GTF3C1: variants seen among roughly 807,000 people sequenced by gnomAD.
GTF3C1 encodes general transcription factor 3C polypeptide 1.
In GTF3C1, 57 loss-of-function variants were observed where a neutral mutation model predicts 226.7. The observed-to-expected ratio is 0.25, with a 90% CI of 0.20 to 0.31. GTF3C1 has a LOEUF of 0.31. GTF3C1 is among the 10% of genes least tolerant of loss of function. The pLI is 1.00. For synonymous variants in GTF3C1, 1,090 were observed against 1,084.8 expected, an observed-to-expected ratio of 1.00 and a Z score of -0.09; for missense variants, 2,217 against 2,776.1, an observed-to-expected ratio of 0.80 and a Z score of 4.53.
chr16:27,529,722 A>C (rs1317182795), intron 5 of GTF3C1, among the ~76,000 whole-genome samples: 1 of 152,230 alleles, frequency 6.6e-6, no homozygotes, highest in Non-Finnish European at 1.5e-5. Flanking sequence ...TTCTCTTCAA[A>C]GGCTAGGACT....
At chr16:27,541,326 G>C (rs932183359) in intron 2 of GTF3C1, among the ~76,000 whole-genome samples, 1 of 152,218 alleles carries the variant, frequency 6.6e-6, no homozygotes, top group Non-Finnish European at 1.5e-5. Context: ...AGGAAAGCTC[G>C]AGAGGCCAGC....
In GTF3C1 at chr16:27,461,624, T is replaced by C; in HGVS notation, c.6118-62A>G. The C allele has an allele frequency of 7.8e-7, 1 of 1,277,476 alleles. No individual in the cohort carries two copies. 79.1% of individuals were successfully genotyped at this position (1,277,476 alleles called of 1,614,324 possible). On this transcript the variant is annotated intron_variant, in intron 36 of 36. Coordinates refer to ENST00000356183, the MANE Select transcript of GTF3C1 (RefSeq NM_001520.4). The surrounding 1 kb of genome is among the most constrained non-coding windows in gnomAD (Gnocchi z 5.3). ...CCCTCGCCTGCTTGTTGATTTATTC[T>C]TCAAGCATTTATGGAATGCCCCCTC...
At chr16:27,541,860 G>A (rs1222264580) in intron 2 of GTF3C1, among the ~76,000 whole-genome samples, 1 of 152,122 alleles carries the variant, frequency 6.6e-6, no homozygotes, top group Non-Finnish European at 1.5e-5. Flanking sequence ...AACACAACAC[G>A]AACACAAACT....
At chr16:27,515,257 C>G (rs867436425) in intron 6 of GTF3C1, among the ~76,000 whole-genome samples, 1 of 152,048 alleles carries the variant, frequency 6.6e-6, no homozygotes, top group African/African-American at 2.4e-5. Flanking sequence ...CCAGCCTGGG[C>G]AACAGAGCAA....
intron 10 of GTF3C1, among the ~76,000 whole-genome samples, chr16:27,504,930 C>CA (rs2088461087): frequency 6.6e-6 from 1 of 151,996 alleles, no homozygotes; most frequent in Admixed American, 6.6e-5. Flanking sequence ...GACTCTTTCT[C>CA]AAAAAAATTA....
In GTF3C1 at chr16:27,505,978, A is replaced by G. The variant is rs772361957; in HGVS notation, c.1691T>C (p.Val564Ala). The G allele has an allele frequency of 1.1e-5, 17 of 1,613,350 alleles. No individual in the cohort carries two copies. The highest frequency in any genetic ancestry group is 1.4e-5 in the Non-Finnish European group (17 of 1,179,380). The change falls in exon 10 of 37, where the codon GTG becomes GCG. Residue 564 changes from valine (V) to alanine (A), a missense_variant. Val to Ala is a moderately conservative substitution (Grantham distance 64). This residue lies in a region of GTF3C1 where 173 missense variants were observed against 207.2 expected (regional missense o/e 0.83). Transcript: ENST00000356183. ...GTCCGCACAGTGGGAGACAAAGGAC[A>G]CGTTGGGTTCTGAGACGCTGCTGGT... ...LDTSSVSEPNVSFVSHCADSN... is the reference protein window; with the variant it reads ...LDTSSVSEPNASFVSHCADSN...
chr16:27,489,613 C>T lies in GTF3C1; in HGVS notation c.3282G>A (p.Leu1094=). The T allele has an allele frequency of 1.2e-6, 2 of 1,608,798 alleles. No individual in the cohort carries two copies. The highest frequency in any genetic ancestry group is 1.7e-6 in the Non-Finnish European group (2 of 1,178,916). Residue 1094 remains leucine, a synonymous_variant, in exon 20 of 37, where the codon CTG becomes CTA. Transcript: ENST00000356183. ...KHNLERKCAM[L]EYTTGSREVV... ...GGACGGACACGCACGTGGTGTACTC[C>T]AGCATGGCGCACTTGCGCTCCAGGT...
intron 21 of GTF3C1, 86 bp from the exon 22 acceptor site, chr16:27,488,721 T>C (rs1371781718): frequency 5.1e-6 from 6 of 1,166,062 alleles, no homozygotes; most frequent in South Asian, 2.6e-5. Flanking sequence ...CGAGGTCTCT[T>C]AGGAAGGTAA....
At chr16:27,519,269 G>T (rs577894461) in intron 6 of GTF3C1, among the ~76,000 whole-genome samples, 12 of 152,228 alleles carry the variant, frequency 7.9e-5, no homozygotes, top group Non-Finnish European at 1.8e-4. Flanking sequence ...AGGAATGAAG[G>T]TGAGGATACG....
chr16:27,530,030 G>A (rs1249937161), intron 5 of GTF3C1, among the ~76,000 whole-genome samples: 1 of 152,326 alleles, frequency 6.6e-6, no homozygotes, highest in African/African-American at 2.4e-5. Flanking sequence ...GCCCCTGGCA[G>A]GTTACCATGG....
At chr16:27,530,057 G>C (rs1269699926) in intron 5 of GTF3C1, among the ~76,000 whole-genome samples, 1 of 152,282 alleles carries the variant, frequency 6.6e-6, no homozygotes, top group Middle Eastern at 3.4e-3. Context: ...GCAAGGGAGC[G>C]AATGGCAGGA....
At position 27,469,661 on chromosome 16, in the gene GTF3C1, C is replaced by T; in HGVS notation, c.4815-111G>A. 8.4e-7 allele frequency: 1 copy of T among 1,194,286 alleles called. No homozygotes were observed. 74.0% of individuals were successfully genotyped at this position (1,194,286 alleles called of 1,614,324 possible). Reference sequence around the variant, plus strand: ...GGCTGGGCTTCAGCAGTGGCCCCAGCAACTGGCTATGCTTCATTACCAAGG... The same window carrying T: ...GGCTGGGCTTCAGCAGTGGCCCCAGTAACTGGCTATGCTTCATTACCAAGG... On this transcript the variant is annotated intron_variant, in intron 31 of 36. Transcript: ENST00000356183. The surrounding 1 kb of genome is among the most constrained non-coding windows in gnomAD (Gnocchi z 4.5).
At chr16:27,493,692 T>A (rs1567396397) in intron 16 of GTF3C1, among the ~76,000 whole-genome samples, 1 of 152,210 alleles carries the variant, frequency 6.6e-6, no homozygotes, top group Non-Finnish European at 1.5e-5. Context: ...GAGCCGCCAA[T>A]CTATGTCTAC....
At chr16:27,528,800 C>T in intron 5 of GTF3C1, 79 bp from the exon 6 acceptor site, 1 of 1,318,708 alleles carries the variant, frequency 7.6e-7, no homozygotes, top group African/African-American at 1.5e-5. Flanking sequence ...TAAATGAACA[C>T]AAGTTCAGGA....
At position 27,469,463 on chromosome 16, in the gene GTF3C1, C is replaced by G. The variant is rs1456631387; in HGVS notation, c.4902G>C (p.Glu1634Asp). 1 of 1,614,082 alleles carries G rather than the reference C, an allele frequency of 6.2e-7. No homozygotes were observed. The highest frequency in any genetic ancestry group is 1.7e-5 in the Admixed American group (1 of 60,008). ...EGVGGKRRSMEVKPAQASHTN... is the reference protein window; with the variant it reads ...EGVGGKRRSMDVKPAQASHTN... Reference sequence around the variant, plus strand: ...TGTGGGAGGCTTGCGCAGGTTTCACCTCCATGCTCCGGCGCTTGCCCCCTA... The same window carrying G: ...TGTGGGAGGCTTGCGCAGGTTTCACGTCCATGCTCCGGCGCTTGCCCCCTA... Residue 1634 changes from glutamate to aspartate, a missense_variant, in exon 32 of 37, where the codon GAG becomes GAC. By Grantham distance (45) the Glu-to-Asp change is conservative. This residue lies in a region of GTF3C1 where 546 missense variants were observed against 663.0 expected (regional missense o/e 0.82). Transcript: ENST00000356183. This position sits in a 1 kb window ranked among gnomAD's most constrained non-coding sequence, Gnocchi z 4.5.
intron 12 of GTF3C1, among the ~76,000 whole-genome samples, chr16:27,498,935 C>T (rs570680649): frequency 2.0e-5 from 3 of 152,334 alleles, no homozygotes; most frequent in Admixed American, 1.3e-4. Context: ...AGTGACCAAG[C>T]GATCAGGCTC....
chr16:27,523,614 A>G (rs998590315), intron 6 of GTF3C1, among the ~76,000 whole-genome samples: 1 of 152,100 alleles, frequency 6.6e-6, no homozygotes, highest in Non-Finnish European at 1.5e-5. Context: ...ATTAAATTAA[A>G]TTTGCTCAGC....
chr16:27,534,846 AT>A (rs529142582), intron 4 of GTF3C1, among the ~76,000 whole-genome samples: 34 of 150,724 alleles, frequency 2.3e-4, no homozygotes, highest in East Asian at 1.2e-3. Context: ...TTATACACAG[AT>A]TTTTTTTTTC....
rs770964666 is a variant in GTF3C1, at chr16:27,476,535, G to C, written c.4269C>G (p.Asp1423Glu). 1.9e-6 allele frequency: 3 copies of C among 1,605,054 alleles called. No homozygotes were observed. Among genetic ancestry groups the C allele is most frequent in the Non-Finnish European group, 2.6e-6 (3 of 1,172,082 alleles). The change falls in exon 29 of 37, where the codon GAC (aspartate) becomes GAG (glutamate). Residue 1423 changes from aspartate (D) to glutamate (E), a missense_variant. Asp to Glu is a conservative substitution (Grantham distance 45, BLOSUM62 2). Coordinates refer to ENST00000356183, the MANE Select transcript of GTF3C1 (RefSeq NM_001520.4). Reference sequence around the variant, plus strand: ...GGTTCTGAAGCACCAGAAAGTGGATGTCATCCACGCTGAAAGAGAGGGGGC... The same window carrying C: ...GGTTCTGAAGCACCAGAAAGTGGATCTCATCCACGCTGAAAGAGAGGGGGC... The part of the protein sequence containing the change: ...RKEDELNSVD[D>E]IHFLVLQNLI...
Sources: allele counts gnomAD v4.1 joint callset (sites outside exome capture counted in the v4.1 genomes callset), GRCh38; gene constraint gnomAD v4.1.1; regional missense constraint gnomAD v4.1.1; non-coding constraint Gnocchi (gnomAD v3.1); transcripts MANE v1.5; gene names NCBI Gene and HGNC (gene_info 2026-07-23, HGNC 2026-07-21).